Variants in DLG2 observed in about 807,000 individuals in gnomAD.
DLG2 encodes the protein disks large homolog 2.
In DLG2, 45 loss-of-function variants were observed where a neutral mutation model predicts 132.5. The observed-to-expected ratio is 0.34, with a 90% CI of 0.27 to 0.44. The LOEUF (loss-of-function observed/expected upper bound fraction) is 0.44, where lower values mean the gene tolerates loss of function less well. Ranked by LOEUF, DLG2 falls within the 20% of genes least tolerant of loss-of-function variation. The pLI is 1.00. For synonymous variants in DLG2, 424 were observed against 419.6 expected, an observed-to-expected ratio of 1.01 and a Z score of -0.13; for missense variants, 1,045 against 1,196.9, an observed-to-expected ratio of 0.87 and a Z score of 1.87.
At position 84,475,888 on chromosome 11, in the gene DLG2, G is replaced by T. The variant is rs1011742496; in HGVS notation, c.519+58682C>A. ...TGGCATGGTACTGTGACCTCCTAGGGGAGGTTATATTTTTCCATTTTGCAA... is the reference window on the plus strand; with the variant it reads ...TGGCATGGTACTGTGACCTCCTAGGTGAGGTTATATTTTTCCATTTTGCAA... On this transcript the variant is annotated intron_variant, in intron 7 of 27. Transcript: ENST00000376104. Among the ~76,000 whole-genome samples, 3 of 151,940 alleles carry T rather than the reference G, an allele frequency of 2.0e-5. 1 individual carries two copies. The South Asian group carries it at 6.2e-4, about 32-fold the overall frequency.
At chr11:84,624,305 C>T (rs891677899) in intron 6 of DLG2, among the ~76,000 whole-genome samples, 1 of 152,144 alleles carries the variant, frequency 6.6e-6, no homozygotes, top group Non-Finnish European at 1.5e-5. Flanking sequence ...TGTTATTACT[C>T]CCACGATCAC....
chr11:84,973,117 C>T (rs2054341230), intron 6 of DLG2, among the ~76,000 whole-genome samples: 1 of 151,996 alleles, frequency 6.6e-6, no homozygotes, highest in Non-Finnish European at 1.5e-5. Flanking sequence ...CCCACCACAC[C>T]CACCTAATTT....
intron 6 of DLG2, among the ~76,000 whole-genome samples, chr11:84,600,235 ACAGAAAAG>A (rs1243268196): frequency 9.5e-6 from 1 of 105,622 alleles, no homozygotes; most frequent in African/African-American, 5.7e-5. Flanking sequence ...AGAAAGAAAG[ACAGAAAAG>A]CAAGCAAGCA....
chr11:84,893,174 A>C (rs2089677282), intron 6 of DLG2, among the ~76,000 whole-genome samples: 2 of 152,142 alleles, frequency 1.3e-5, no homozygotes. Flanking sequence ...TCTCACTCCG[A>C]TCTTTCTCTG....
At chr11:83,937,625 A>G (rs533091170) in intron 14 of DLG2, among the ~76,000 whole-genome samples, 1 of 152,304 alleles carries the variant, frequency 6.6e-6, no homozygotes, top group South Asian at 2.1e-4. Context: ...ATGCTCCTAC[A>G]ACTCAATAAG....
At chr11:83,687,901 C>G (rs963175248) in intron 18 of DLG2, among the ~76,000 whole-genome samples, 1 of 151,862 alleles carries the variant, frequency 6.6e-6, no homozygotes, top group Non-Finnish European at 1.5e-5. Flanking sequence ...ACTCAGCAGG[C>G]TGAGGGAGGA....
chr11:84,746,318 C>T (rs1031191125), intron 6 of DLG2, among the ~76,000 whole-genome samples: 1 of 150,460 alleles, frequency 6.6e-6, no homozygotes, highest in African/African-American at 2.4e-5. Context: ...GAAACTGATG[C>T]TTCAAAATAA....
chr11:83,530,400 G>T (rs1413488790), intron 21 of DLG2, among the ~76,000 whole-genome samples: 1 of 151,862 alleles, frequency 6.6e-6, no homozygotes, highest in African/African-American at 2.4e-5. Flanking sequence ...AAATCCCTGA[G>T]AAATTATAGC....
intron 6 of DLG2, among the ~76,000 whole-genome samples, chr11:84,808,373 C>T (rs1372453839): frequency 6.6e-6 from 1 of 151,650 alleles, no homozygotes. Flanking sequence ...TGTATATATT[C>T]GAAAAGATAA....
chr11:84,986,509 G>T (rs576734001), intron 6 of DLG2, among the ~76,000 whole-genome samples: 17 of 152,232 alleles, frequency 1.1e-4, no homozygotes, highest in African/African-American at 3.9e-4. Flanking sequence ...GATGAACATA[G>T]ATGCTAAAAT....
At chr11:84,687,497 T>C (rs2099739155) in intron 6 of DLG2, among the ~76,000 whole-genome samples, 2 of 152,166 alleles carry the variant, frequency 1.3e-5, no homozygotes, top group African/African-American at 4.8e-5. Flanking sequence ...CATGGGTACC[T>C]CAATTAGTAT....
chr11:83,964,000 T>C (rs2089587981), intron 13 of DLG2, among the ~76,000 whole-genome samples: 1 of 152,014 alleles, frequency 6.6e-6, no homozygotes, highest in Admixed American at 6.6e-5. Context: ...ATACCTCTTA[T>C]TCTGCCAAAT....
chr11:85,420,290 G>A (rs1051375338), intron 3 of DLG2, among the ~76,000 whole-genome samples: 1 of 152,126 alleles, frequency 6.6e-6, no homozygotes, highest in African/African-American at 2.4e-5. Flanking sequence ...ACTGCTGCCT[G>A]TTCCTTCCTC....
chr11:85,193,261 T>C (rs942316823), intron 4 of DLG2, among the ~76,000 whole-genome samples: 2 of 152,230 alleles, frequency 1.3e-5, no homozygotes, highest in African/African-American at 4.8e-5. Flanking sequence ...ACGCTTTTTA[T>C]GGCTGATTAA....
intron 4 of DLG2, among the ~76,000 whole-genome samples, chr11:85,209,445 C>CTTTTTTTTTTTTTTTTTTTTTT (rs1164394816): frequency 1.3e-5 from 1 of 74,434 alleles, no homozygotes; most frequent in Admixed American, 2.0e-4. Context: ...AGAAATCAGT[C>CTTTTTTTTTTTTTTTTTTTTTT]TTTTTTTTTT....
intron 7 of DLG2, among the ~76,000 whole-genome samples, chr11:84,457,435 TAGAG>T (rs1454568841): frequency 6.6e-6 from 1 of 151,074 alleles, no homozygotes; most frequent in Non-Finnish European, 1.5e-5. Context: ...TGAGAATTCA[TAGAG>T]GGAGAAATTA....
intron 6 of DLG2, among the ~76,000 whole-genome samples, chr11:84,899,023 T>C (rs923536668): frequency 6.6e-6 from 1 of 152,034 alleles, no homozygotes; most frequent in East Asian, 1.9e-4. Flanking sequence ...AGCTACATGG[T>C]GGGAAATCAC....
At chr11:83,541,124 C>G (rs1448155262) in intron 20 of DLG2, among the ~76,000 whole-genome samples, 1 of 151,932 alleles carries the variant, frequency 6.6e-6, no homozygotes, top group African/African-American at 2.4e-5. Flanking sequence ...GTAAAGAAAA[C>G]AGTAAAAAAA....
chr11:83,829,577 A>C (rs2053873511), intron 17 of DLG2, among the ~76,000 whole-genome samples: 1 of 152,156 alleles, frequency 6.6e-6, no homozygotes, highest in South Asian at 2.1e-4. Flanking sequence ...TGCAAGTTAT[A>C]GATGAAAATA....
Sources: allele counts gnomAD v4.1 joint callset (sites outside exome capture counted in the v4.1 genomes callset), GRCh38; gene constraint gnomAD v4.1.1; transcripts MANE v1.5; gene names NCBI Gene and HGNC (gene_info 2026-07-23, HGNC 2026-07-21).